DDHD2: variants seen among roughly 807,000 people sequenced by gnomAD.
The protein encoded by DDHD2 is triacylglycerol hydrolase DDHD2.
In DDHD2, 62 loss-of-function variants were observed where a neutral mutation model predicts 91.2. The observed-to-expected ratio is 0.68, with a 90% CI of 0.55 to 0.84. The LOEUF (loss-of-function observed/expected upper bound fraction) is 0.84. Among genes scored for constraint, DDHD2 ranks in the 40% least tolerant of loss-of-function variants. DDHD2 has a pLI of 0.00. For missense variants in DDHD2, 740 were observed against 846.9 expected, an observed-to-expected ratio of 0.87 and a Z score of 1.57; for synonymous variants, 271 against 293.9, an observed-to-expected ratio of 0.92 and a Z score of 0.80.
At chr8:38,273,358 T>C (rs2130976320), downstream of DDHD2, 1 of 152,296 alleles carries the variant, frequency 6.6e-6, no homozygotes, top group Non-Finnish European at 1.5e-5. Context: ...CATAATTTTT[T>C]TTTAATTTCA....
chr8:38,267,013 G>A, downstream of DDHD2: 1 of 1,376,718 alleles, frequency 7.3e-7, no homozygotes, highest in Non-Finnish European at 9.4e-7. Context: ...GCTAGTACAA[G>A]ATTGCAGGAT....
chr8:38,266,928 C>A, downstream of DDHD2: 1 of 635,228 alleles, frequency 1.6e-6, no homozygotes, highest in Non-Finnish European at 2.2e-6. Context: ...TTATTGTGAG[C>A]TATAATTAGG....
chr8:38,253,219 T>C, intron 15 of DDHD2, 92 bp downstream of exon 15: 1 of 1,269,158 alleles, frequency 7.9e-7, no homozygotes, highest in South Asian at 1.5e-5. Flanking sequence ...AATTTCACAT[T>C]TAATTTCATA....
At chr8:38,237,351 G>A (rs572646510) in intron 3 of DDHD2, among the ~76,000 whole-genome samples, 187 bp from the exon 4 acceptor site, 1 of 152,136 alleles carries the variant, frequency 6.6e-6, no homozygotes, top group East Asian at 1.9e-4. Context: ...AACCCAGCCT[G>A]GGCGACAGAG....
At chr8:38,256,777 A>G (rs1286900296) in intron 16 of DDHD2, among the ~76,000 whole-genome samples, 1 of 152,184 alleles carries the variant, frequency 6.6e-6, no homozygotes, top group African/African-American at 2.4e-5. Context: ...ACATGGACAT[A>G]TTCTTGGGTA....
intron 1 of DDHD2, chr8:38,268,593 G>T (rs1185007585): frequency 3.4e-6 from 5 of 1,452,248 alleles, no homozygotes; most frequent in Non-Finnish European, 4.5e-6. Context: ...GTAACCGGGC[G>T]CCAGGCAGCG....
At position 38,249,783 on chromosome 8, in the gene DDHD2, A is replaced by G. The variant is rs1415163373; in HGVS notation, c.1324A>G (p.Ser442Gly). The G allele has an allele frequency of 6.2e-7, 1 of 1,610,544 alleles. No homozygotes were observed. The highest frequency in any genetic ancestry group is 2.2e-5 in the East Asian group (1 of 44,808). The change falls in exon 11 of 18, where the codon AGC (serine) becomes GGC (glycine). Residue 442 changes from serine to glycine, a missense_variant. Physicochemically the swap from Ser to Gly is moderately conservative, Grantham distance 56. This residue lies in a region of DDHD2 where 693 missense variants were observed against 764.2 expected (regional missense o/e 0.91). Coordinates refer to ENST00000397166, the MANE Select transcript of DDHD2 (RefSeq NM_015214.3). ...AAGAAAGAAGATATTAAACTATTTC[A>G]GCACCAGAAAAAACTCAATGGTATG... ...GPRKKILNYF[S>G]TRKNSMGIKR...
chr8:38,238,653 C>A, intron 5 of DDHD2: 1 of 976,870 alleles, frequency 1.0e-6, no homozygotes, highest in East Asian at 1.1e-4. Context: ...TATAATATTC[C>A]TTTTTTCTTG....
intron 16 of DDHD2, chr8:38,255,389 A>G: frequency 2.1e-6 from 1 of 474,962 alleles, no homozygotes; most frequent in Middle Eastern, 3.3e-4. Flanking sequence ...TAGAAAAGAA[A>G]GCAGAGTTCT....
intron 16 of DDHD2, 109 bp downstream of exon 16, chr8:38,253,827 C>T (rs1007635004): frequency 2.6e-6 from 3 of 1,174,246 alleles, no homozygotes; most frequent in Non-Finnish European, 3.6e-6. Flanking sequence ...GGCTTATAAT[C>T]TCAGCACTTT....
rs552241857 is a variant in DDHD2, at chr8:38,269,261, C to T, written n.88-1861C>T. The T allele has an allele frequency of 4.6e-5, 63 of 1,368,488 alleles. No homozygotes were observed. In the East Asian group the frequency reaches 1.6e-3, roughly 36 times the overall value. 84.8% of individuals were successfully genotyped at this position (1,368,488 alleles called of 1,614,324 possible). Reference sequence around the variant, plus strand: ...GCCACCTCCGCGGGGAGGGCCGGGCCGGGAACTGGGCACCGCCCCCTCTCC... The same window carrying T: ...GCCACCTCCGCGGGGAGGGCCGGGCTGGGAACTGGGCACCGCCCCCTCTCC... On this transcript the variant is annotated intron_variant and non_coding_transcript_variant, in intron 1 of 1. Coordinates refer to the DDHD2 transcript ENST00000526071.
chr8:38,265,473 A>G (rs1284621094), downstream of DDHD2: 1 of 151,730 alleles, frequency 6.6e-6, no homozygotes, highest in African/African-American at 2.4e-5. Context: ...TTGTATTTTT[A>G]GTAGAGATAG....
At position 38,253,012 on chromosome 8, in the gene DDHD2, T is replaced by A; in HGVS notation, c.1776T>A (p.Gly592=). Reference sequence around the variant, plus strand: ...TGGACCTTAAGAACAACTTGCTAGGTTCGCTGCGGATGGCCTGGAAGTCTT... The same window carrying A: ...TGGACCTTAAGAACAACTTGCTAGGATCGCTGCGGATGGCCTGGAAGTCTT... ...MSMDLKNNLL[G]SLRMAWKSFT... The change falls in exon 15 of 18, where the codon GGT becomes GGA. Residue 592 remains glycine, a synonymous_variant. Coordinates refer to ENST00000397166, the MANE Select transcript of DDHD2 (RefSeq NM_015214.3). 1 of 1,614,114 alleles carries A rather than the reference T, an allele frequency of 6.2e-7. No individual in the cohort carries two copies. Among genetic ancestry groups the A allele is most frequent in the Non-Finnish European group, 8.5e-7 (1 of 1,180,008 alleles).
At chr8:38,267,877 G>T in intron 1 of DDHD2, 1 of 1,611,868 alleles carries the variant, frequency 6.2e-7, no homozygotes, top group Non-Finnish European at 8.5e-7. Flanking sequence ...ATGCTGGGGT[G>T]GTTAGCTGTT....
chr8:38,267,507 T>G, downstream of DDHD2: 1 of 1,251,062 alleles, frequency 8.0e-7, no homozygotes, highest in Admixed American at 2.5e-5. Flanking sequence ...CCAGGCAAAA[T>G]AAGGTAACTG....
intron 14 of DDHD2, 49 bp downstream of exon 14, chr8:38,252,873 A>G (rs1585753042): frequency 1.2e-6 from 2 of 1,607,630 alleles, no homozygotes; most frequent in Non-Finnish European, 1.7e-6. Context: ...TGGCCAGTGC[A>G]AAGGGCATCA....
At chr8:38,232,801 G>A (rs762551995) in intron 1 of DDHD2, among the ~76,000 whole-genome samples, 186 bp from the exon 2 acceptor site, 1 of 152,158 alleles carries the variant, frequency 6.6e-6, no homozygotes, top group Non-Finnish European at 1.5e-5. Flanking sequence ...TCTAATAGAA[G>A]CATTTTATTT....
chr8:38,238,646 A>G, intron 5 of DDHD2: 1 of 977,674 alleles, frequency 1.0e-6, no homozygotes. Context: ...ATTGGATTAT[A>G]ATATTCCTTT....
chr8:38,241,141 T>C (rs1805224996), intron 6 of DDHD2, among the ~76,000 whole-genome samples: 1 of 152,102 alleles, frequency 6.6e-6, no homozygotes, highest in Non-Finnish European at 1.5e-5. Flanking sequence ...TAGGGTGTCT[T>C]ATTCTAACTG....
Sources: allele counts gnomAD v4.1 joint callset (sites outside exome capture counted in the v4.1 genomes callset), GRCh38; gene constraint gnomAD v4.1.1; regional missense constraint gnomAD v4.1.1; transcripts MANE v1.5; gene names NCBI Gene and HGNC (gene_info 2026-07-23, HGNC 2026-07-21).